The following GLUD1 variants were observed in gnomAD, a reference collection of about 807,000 sequenced individuals.
The protein encoded by GLUD1 is glutamate dehydrogenase 1, mitochondrial.
In GLUD1, 22 loss-of-function variants were observed where a neutral mutation model predicts 56.0. That is an observed-to-expected ratio of 0.39 (90% CI 0.28 to 0.56). GLUD1 has a LOEUF of 0.56. Ranked by LOEUF, GLUD1 falls within the 20% of genes least tolerant of loss-of-function variation. GLUD1 has a pLI of 0.58. For synonymous variants in GLUD1, 223 were observed against 269.9 expected (o/e 0.83, Z 1.70); for missense variants, 451 against 732.0 (o/e 0.62, Z 4.43).
chr10:87,081,657 T>C (rs1026117625), intron 1 of GLUD1, among the ~76,000 whole-genome samples: 3 of 152,172 alleles, frequency 2.0e-5, no homozygotes, highest in African/African-American at 4.8e-5. Flanking sequence ...CCCGCAACCC[T>C]GTGCTCTCTG....
At chr10:87,063,626 G>A (rs1374177366) in intron 5 of GLUD1, among the ~76,000 whole-genome samples, 1 of 152,202 alleles carries the variant, frequency 6.6e-6, no homozygotes, top group Non-Finnish European at 1.5e-5. Context: ...TGGATGGGAA[G>A]ACTCAATGTT....
At chr10:87,067,878 A>C (rs1027799709) in intron 5 of GLUD1, 185 bp downstream of exon 5, 6 of 593,862 alleles carry the variant, frequency 1.0e-5, no homozygotes, top group Non-Finnish European at 1.9e-5. Flanking sequence ...GCATATAAGT[A>C]AAGCTCAATC....
chr10:87,060,896 T>C lies in GLUD1; in HGVS notation c.1059+19A>G, dbSNP rs768419596. ...AAATATTTATATTTAGTGTCTATGC[T>C]ATAAAAATGTATTAATACCAATTTG... On this transcript the variant is annotated intron_variant, in intron 7 of 12. Coordinates refer to ENST00000277865, the MANE Select transcript of GLUD1 (RefSeq NM_005271.5). 1.2e-6 allele frequency: 2 copies of C among 1,613,728 alleles called. No homozygotes were observed. The highest frequency in any genetic ancestry group is 1.3e-5 in the African/African-American group (1 of 74,932).
intron 1 of GLUD1, among the ~76,000 whole-genome samples, chr10:87,088,319 T>TG (rs1564565540): frequency 6.6e-6 from 1 of 151,626 alleles, no homozygotes; most frequent in Non-Finnish European, 1.5e-5. Flanking sequence ...TGAAAAAAAA[T>TG]ATTCCAAGAA....
chr10:87,078,945 C>T (rs1841128385), intron 1 of GLUD1, among the ~76,000 whole-genome samples: 1 of 152,132 alleles, frequency 6.6e-6, no homozygotes, highest in South Asian at 2.1e-4. Context: ...TTGAAACCAG[C>T]CTGGCCAACA....
At chr10:87,089,842 G>A (rs576883560) in intron 1 of GLUD1, 21 of 384,676 alleles carry the variant, frequency 5.5e-5, no homozygotes, top group East Asian at 3.2e-4. Context: ...TTTAGACAGC[G>A]GCATTAGATT....
At chr10:87,052,669 C>CAA (rs751155208) in intron 12 of GLUD1, among the ~76,000 whole-genome samples, 2,304 of 41,594 alleles carry the variant, frequency 0.055, 389 homozygotes, top group South Asian at 0.098. Context: ...AACTCCGTCT[C>CAA]AAAAAAAAAA....
chr10:87,081,792 C>T (rs1169818080), intron 1 of GLUD1, among the ~76,000 whole-genome samples: 1 of 150,994 alleles, frequency 6.6e-6, no homozygotes, highest in Non-Finnish European at 1.5e-5. Context: ...TCTCAAGTAC[C>T]CAGGGACACA....
chr10:87,094,773 C>T lies in GLUD1; in HGVS notation c.-4G>A. 6.5e-7 allele frequency: 1 copy of T among 1,535,946 alleles called. No individual in the cohort carries two copies. Among genetic ancestry groups the T allele is most frequent in the Non-Finnish European group, 8.8e-7 (1 of 1,138,546 alleles). ...CTTCGCCCAGGTAGCGGTACATGGC[C>T]ACAAGCGGAGGGGAGGTGCGTGATG... On this transcript the variant is annotated 5_prime_UTR_variant, in exon 1 of 13. Coordinates refer to ENST00000277865, the MANE Select transcript of GLUD1 (RefSeq NM_005271.5). The surrounding 1 kb of genome is among the most constrained non-coding windows in gnomAD (Gnocchi z 6.6).
intron 9 of GLUD1, 50 bp downstream of exon 9, chr10:87,060,111 C>T: frequency 1.7e-6 from 2 of 1,143,622 alleles, no homozygotes; most frequent in South Asian, 2.4e-5. Context: ...TTGCAAAAGA[C>T]TATTATGATT....
intron 1 of GLUD1, among the ~76,000 whole-genome samples, chr10:87,080,756 G>A (rs1841211207): frequency 6.6e-6 from 1 of 151,660 alleles, no homozygotes; most frequent in African/African-American, 2.4e-5. Context: ...CGCCCCGTCT[G>A]AGGAGTGAGG....
chr10:87,051,811 A>G lies in GLUD1; in HGVS notation c.1617T>C (p.Tyr539=), dbSNP rs370062056. The G allele has an allele frequency of 5.6e-5, 90 of 1,613,710 alleles. No individual in the cohort carries two copies. Among genetic ancestry groups the G allele is most frequent in the Non-Finnish European group, 7.2e-5 (85 of 1,179,966 alleles). ...NLGLDLRTAA[Y]VNAIEKVFKV... ...TGAAGACTTTCTCAATGGCATTAAC[A>G]TAGGCAGCTGTTCTCAGGTCCAATC... Residue 539 remains tyrosine (Y), a synonymous_variant, in exon 13 of 13, where the codon TAT becomes TAC. Transcript: ENST00000277865.
At chr10:87,092,631 T>TAAA (rs1262050293) in intron 1 of GLUD1, 10 of 981,230 alleles carry the variant, frequency 1.0e-5, no homozygotes, top group Non-Finnish European at 1.2e-5. Context: ...CTGCGACTTA[T>TAAA]AAAAACAGGA....
chr10:87,074,183 T>TA (rs1204679095), intron 4 of GLUD1, among the ~76,000 whole-genome samples: 2 of 152,130 alleles, frequency 1.3e-5, no homozygotes, highest in Non-Finnish European at 2.9e-5. Flanking sequence ...AGAAATGTTG[T>TA]ATGTTTGGCA....
intron 4 of GLUD1, among the ~76,000 whole-genome samples, chr10:87,069,514 CAA>C (rs374019349): frequency 4.3e-4 from 27 of 62,572 alleles, no homozygotes; most frequent in East Asian, 9.9e-4. Flanking sequence ...GACTCTGTTT[CAA>C]AAAAAAAAAA....
intron 1 of GLUD1, chr10:87,092,624 C>A: frequency 3.2e-5 from 31 of 981,652 alleles, no homozygotes; most frequent in Non-Finnish European, 3.6e-5. Context: ...TGCGGAGCTG[C>A]GACTTATAAA....
At chr10:87,091,761 G>T (rs561982397) in intron 1 of GLUD1, 62 of 160,866 alleles carry the variant, frequency 3.9e-4, no homozygotes, top group Non-Finnish European at 5.6e-4. Flanking sequence ...TCAACCTCAA[G>T]AATTTTAATT....
At chr10:87,063,765 G>A (rs1432694481) in intron 5 of GLUD1, among the ~76,000 whole-genome samples, 1 of 152,216 alleles carries the variant, frequency 6.6e-6, no homozygotes, top group South Asian at 2.1e-4. Flanking sequence ...AGGTATGTGT[G>A]GGTAAGAGTC....
rs962189287 is a variant in GLUD1 at position 87,060,898 on chromosome 10, T to C, written c.1059+17A>G. 34 of 1,613,812 alleles carry C rather than the reference T, an allele frequency of 2.1e-5. No homozygotes were observed. Among genetic ancestry groups the C allele is most frequent in the African/African-American group, 9.3e-5 (7 of 74,928 alleles). On this transcript the variant is annotated intron_variant, in intron 7 of 12. Coordinates refer to ENST00000277865, the MANE Select transcript of GLUD1 (RefSeq NM_005271.5). ...ATATTTATATTTAGTGTCTATGCTA[T>C]AAAAATGTATTAATACCAATTTGAA...
Sources: gnomAD v4.1 joint callset for allele counts (sites outside exome capture counted in the v4.1 genomes callset) on GRCh38, gnomAD v4.1.1 for gene constraint, Gnocchi (gnomAD v3.1) non-coding constraint, MANE v1.5 for transcripts, NCBI Gene and HGNC (gene_info 2026-07-23, HGNC 2026-07-21) for gene names.